The following NUAK1 variants were observed in gnomAD, a reference collection of about 807,000 sequenced individuals.
The protein encoded by NUAK1 is NUAK family SNF1-like kinase 1.
NUAK1 carries 26 observed loss-of-function variants against 56.9 expected under a neutral mutation model. That is an observed-to-expected ratio of 0.46 (90% CI 0.33 to 0.63). NUAK1 has a LOEUF of 0.63. NUAK1 is among the 30% of genes least tolerant of loss of function. The probability of loss-of-function intolerance (pLI) is 0.02; values close to 1 mark genes in which losing one functional copy is unlikely to be tolerated. For missense variants in NUAK1, 727 were observed against 876.1 expected, an observed-to-expected ratio of 0.83 and a Z score of 2.15; for synonymous variants, 337 against 336.0, an observed-to-expected ratio of 1.00 and a Z score of -0.03.
intron 1 of NUAK1, among the ~76,000 whole-genome samples, chr12:106,111,427 G>A (rs1273662843): frequency 4.6e-5 from 7 of 151,754 alleles, no homozygotes; most frequent in African/African-American, 1.2e-4. Flanking sequence ...CCTTGGGGGC[G>A]TGGCAGAGAG....
chr12:106,070,997 A>T, intron 5 of NUAK1, 91 bp from the exon 6 acceptor site: 1 of 1,358,702 alleles, frequency 7.4e-7, no homozygotes, highest in Non-Finnish European at 1.0e-6. Flanking sequence ...GTGAGCAGCC[A>T]CCCCCAGCAG....
rs78125817 is a variant in NUAK1, at chr12:106,088,399, T to G, written c.362-1514A>C. 1.4e-3 allele frequency among the ~76,000 whole-genome samples: 211 copies of G among 152,288 alleles called. 1 individual carries two copies. The East Asian group carries it at 0.032, about 23-fold the overall frequency. ...CCTAATTCATTAGCCAAGACTGTGC[T>G]CATATGTGGTTTCCACAGCGCCCCT... On this transcript the variant is annotated intron_variant, in intron 2 of 6. Transcript: ENST00000261402.
chr12:106,083,222 G>C (rs1003928110), intron 4 of NUAK1, among the ~76,000 whole-genome samples: 1 of 152,200 alleles, frequency 6.6e-6, no homozygotes, highest in African/African-American at 2.4e-5. Context: ...GGGGTGGGAA[G>C]GTGGAGAGGG....
chr12:106,132,952 A>C (rs890354704), intron 1 of NUAK1, among the ~76,000 whole-genome samples: 4 of 152,180 alleles, frequency 2.6e-5, no homozygotes, highest in Non-Finnish European at 5.9e-5. Flanking sequence ...TGTGACCTTG[A>C]GCAAGCTAGT....
intron 3 of NUAK1, among the ~76,000 whole-genome samples, chr12:106,086,172 T>C (rs760076522): frequency 5.9e-5 from 9 of 152,216 alleles, no homozygotes; most frequent in Non-Finnish European, 1.2e-4. Flanking sequence ...CTGATCACTA[T>C]TTGTCATAAT....
In NUAK1 at chr12:106,066,103, A is replaced by G. The variant is rs1407030170; in HGVS notation, c.*699T>C. The G allele has an allele frequency of 1.3e-5, 2 of 152,306 alleles. No individual in the cohort carries two copies. Among genetic ancestry groups the G allele is most frequent in the Admixed American group, 6.5e-5 (1 of 15,290 alleles). The allele number at this position is 152,306 out of a possible 1,614,324, so 9.4% of individuals were successfully genotyped here. A position where few individuals can be genotyped will look rare whatever the true frequency, so the allele number is the denominator to read the frequency against. On this transcript the variant is annotated 3_prime_UTR_variant, in exon 7 of 7. Coordinates refer to ENST00000261402, the MANE Select transcript of NUAK1 (RefSeq NM_014840.3). ...GTAGCAAATTAACAAATGCCTCACC[A>G]GTGGCATGAAAGAGTTAACATAGAT...
chr12:106,133,322 C>T (rs2033097994), intron 1 of NUAK1, among the ~76,000 whole-genome samples: 2 of 152,154 alleles, frequency 1.3e-5, no homozygotes, highest in Admixed American at 1.3e-4. Flanking sequence ...TTTCTAATCC[C>T]ACAGTATACC....
chr12:106,128,660 C>T (rs1333301465), intron 1 of NUAK1, among the ~76,000 whole-genome samples: 1 of 152,216 alleles, frequency 6.6e-6, no homozygotes, highest in Admixed American at 6.5e-5. Flanking sequence ...CTGGAGATAA[C>T]TAAGAGAAGC....
At chr12:106,074,378 T>TA (rs34767612) in intron 4 of NUAK1, among the ~76,000 whole-genome samples, 3 of 152,200 alleles carry the variant, frequency 2.0e-5, no homozygotes. Context: ...CTTTCATGCC[T>TA]AAAAAAGGTT....
intron 2 of NUAK1, among the ~76,000 whole-genome samples, chr12:106,100,210 C>T (rs920475552): frequency 1.6e-4 from 24 of 151,556 alleles, no homozygotes; most frequent in Non-Finnish European, 2.9e-5. Context: ...AATGCTACTT[C>T]CTCCTTTTAG....
chr12:106,100,179 T>C (rs973285321), intron 2 of NUAK1, among the ~76,000 whole-genome samples: 24 of 151,398 alleles, frequency 1.6e-4, no homozygotes, highest in African/African-American at 5.8e-4. Flanking sequence ...CCTAGTATTA[T>C]TTTAAAGGTA....
At chr12:106,119,524 A>C (rs1015804473) in intron 1 of NUAK1, among the ~76,000 whole-genome samples, 2 of 152,218 alleles carry the variant, frequency 1.3e-5, no homozygotes, top group Non-Finnish European at 2.9e-5. Context: ...TTACGAGGAA[A>C]GCTTACTCAC....
chr12:106,068,045 A>G, intron 6 of NUAK1, 90 bp from the exon 7 acceptor site: 1 of 1,266,672 alleles, frequency 7.9e-7, no homozygotes, highest in South Asian at 1.5e-5. Context: ...CGAAAGACAC[A>G]CACTCCCTCT....
chr12:106,136,503 G>C (rs2033131105), intron 1 of NUAK1, among the ~76,000 whole-genome samples: 1 of 152,198 alleles, frequency 6.6e-6, no homozygotes, highest in South Asian at 2.1e-4. Flanking sequence ...CTGTGGATCA[G>C]ACAGCTCAAG....
At chr12:106,109,161 G>T (rs1262783690) in intron 1 of NUAK1, among the ~76,000 whole-genome samples, 1 of 152,232 alleles carries the variant, frequency 6.6e-6, no homozygotes, top group Non-Finnish European at 1.5e-5. Context: ...AAGACATTCA[G>T]CTCTACTCCC....
chr12:106,128,183 G>A (rs2033043572), intron 1 of NUAK1, among the ~76,000 whole-genome samples: 1 of 147,766 alleles, frequency 6.8e-6, no homozygotes, highest in Non-Finnish European at 1.5e-5. Flanking sequence ...CTAGGCTGGA[G>A]TGCAATTGTG....
At chr12:106,119,470 G>A (rs574398039) in intron 1 of NUAK1, among the ~76,000 whole-genome samples, 9 of 152,220 alleles carry the variant, frequency 5.9e-5, no homozygotes, top group African/African-American at 1.4e-4. Context: ...TTCCATGCAC[G>A]GCGCCCCTGC....
chr12:106,138,544 C>T lies in NUAK1; in HGVS notation c.110G>A (p.Arg37Lys). The change falls in exon 1 of 7, where the codon AGG (arginine) becomes AAG (lysine). Residue 37 changes from arginine (R) to lysine (K), a missense_variant. Physicochemically the swap from Arg to Lys is conservative, Grantham distance 26 (BLOSUM62 2). Coordinates refer to ENST00000261402, the MANE Select transcript of NUAK1 (RefSeq NM_014840.3). The surrounding 1 kb of genome is among the most constrained non-coding windows in gnomAD (Gnocchi z 5.0). ...ATGCCGCTTCACCCCGTGCGGCTTC[C>T]TGGGCTCCAGGGCTGCAGTCGCCCC... is the stretch of plus-strand genomic sequence containing the variant. ...VAGATAALEP[R>K]KPHGVKRHHH... The T allele has an allele frequency of 6.2e-7, 1 of 1,611,864 alleles. No individual in the cohort carries two copies. Among genetic ancestry groups the T allele is most frequent in the Non-Finnish European group, 8.5e-7 (1 of 1,179,700 alleles).
At chr12:106,112,718 A>C (rs983202055) in intron 1 of NUAK1, among the ~76,000 whole-genome samples, 2 of 152,116 alleles carry the variant, frequency 1.3e-5, no homozygotes, top group Non-Finnish European at 2.9e-5. Context: ...GTCCTACATG[A>C]ATGTATTTCA....
Sources: allele counts gnomAD v4.1 joint callset (sites outside exome capture counted in the v4.1 genomes callset), GRCh38; gene constraint gnomAD v4.1.1; non-coding constraint Gnocchi (gnomAD v3.1); transcripts MANE v1.5; gene names NCBI Gene and HGNC (gene_info 2026-07-23, HGNC 2026-07-21).